The following ZNF521 variants were observed in gnomAD, a reference collection of about 807,000 sequenced individuals.
The protein encoded by ZNF521 is zinc finger protein 521, also known as LYST-interacting protein 3.
ZNF521 carries 14 observed loss-of-function variants against 105.5 expected under a neutral mutation model. The observed-to-expected ratio is 0.13, with a 90% confidence interval of 0.09 to 0.21. The LOEUF (loss-of-function observed/expected upper bound fraction) is 0.21, where lower values mean the gene tolerates loss of function less well. Ranked by LOEUF, ZNF521 falls within the 10% of genes least tolerant of loss-of-function variation. The pLI is 1.00. For synonymous variants in ZNF521, 635 were observed against 606.0 expected (o/e 1.05, Z -0.70); for missense variants, 1,233 against 1,629.7 (o/e 0.76, Z 4.19).
intron 5 of ZNF521, among the ~76,000 whole-genome samples, chr18:25,129,681 ATC>A (rs915119969): frequency 6.6e-6 from 1 of 152,042 alleles, no homozygotes; most frequent in African/African-American, 2.4e-5. Flanking sequence ...GGGGGGTATG[ATC>A]TGGACACTTC....
At chr18:25,210,712 T>C (rs1265264807) in intron 4 of ZNF521, among the ~76,000 whole-genome samples, 1 of 152,112 alleles carries the variant, frequency 6.6e-6, no homozygotes, top group Non-Finnish European at 1.5e-5. Context: ...ACAAAGAACC[T>C]ATGGCATACA....
At chr18:25,277,110 G>A (rs1910080550) in intron 3 of ZNF521, among the ~76,000 whole-genome samples, 1 of 151,200 alleles carries the variant, frequency 6.6e-6, no homozygotes, top group Non-Finnish European at 1.5e-5. Context: ...TTGAACCTGG[G>A]AGACAGAAGT....
At chr18:25,257,314 A>C (rs1908588839) in intron 3 of ZNF521, among the ~76,000 whole-genome samples, 1 of 152,190 alleles carries the variant, frequency 6.6e-6, no homozygotes. Context: ...ATGGGCTATT[A>C]AGTTTAATAT....
At chr18:25,245,767 C>T (rs2144820186) in intron 3 of ZNF521, among the ~76,000 whole-genome samples, 1 of 152,248 alleles carries the variant, frequency 6.6e-6, no homozygotes, top group East Asian at 1.9e-4. Context: ...AATCTCAGCA[C>T]TTTGGGAGGC....
In ZNF521 at chr18:25,108,946, T is replaced by A. The variant is rs1009416486; in HGVS notation, c.3659-16865A>T. 6.6e-5 allele frequency among the ~76,000 whole-genome samples: 10 copies of A among 152,174 alleles called. 1 individual carries two copies. The highest frequency in any genetic ancestry group is 6.6e-4 in the Admixed American group (10 of 15,266). On this transcript the variant is annotated intron_variant, in intron 5 of 7. Transcript: ENST00000361524. The stretch of plus-strand genomic sequence containing the variant: ...GGCTAGATTTTAAAAATTAATTTAT[T>A]TGATTTTAATTTAATTTTTAAATTT...
intron 5 of ZNF521, among the ~76,000 whole-genome samples, chr18:25,102,120 ACT>A (rs1600025356): frequency 6.6e-6 from 1 of 152,310 alleles, no homozygotes; most frequent in East Asian, 1.9e-4. Context: ...GCCTAAAACT[ACT>A]ATAAAGCAAT....
intron 5 of ZNF521, among the ~76,000 whole-genome samples, chr18:25,169,091 T>G (rs1204616072): frequency 6.6e-6 from 1 of 152,210 alleles, no homozygotes; most frequent in Non-Finnish European, 1.5e-5. Context: ...GAATATATAC[T>G]TTGCTTTCCT....
At chr18:25,116,386 A>G (rs1235197172) in intron 5 of ZNF521, among the ~76,000 whole-genome samples, 2 of 152,216 alleles carry the variant, frequency 1.3e-5, no homozygotes, top group Non-Finnish European at 2.9e-5. Flanking sequence ...ACTGAGGGCC[A>G]TTCTGGGAAT....
intron 2 of ZNF521, among the ~76,000 whole-genome samples, chr18:25,328,887 A>G (rs376825621): frequency 7.2e-5 from 11 of 152,346 alleles, no homozygotes; most frequent in African/African-American, 2.6e-4. Context: ...ATTTGGTAAA[A>G]GAAAGACACA....
At chr18:25,338,934 G>C (rs1273750137) in intron 2 of ZNF521, among the ~76,000 whole-genome samples, 2 of 152,164 alleles carry the variant, frequency 1.3e-5, no homozygotes, top group East Asian at 3.8e-4. Flanking sequence ...AGTTGATCAA[G>C]TATTTAGAGA....
At chr18:25,263,902 T>C (rs1470667474) in intron 3 of ZNF521, among the ~76,000 whole-genome samples, 1 of 152,180 alleles carries the variant, frequency 6.6e-6, no homozygotes, top group African/African-American at 2.4e-5. Flanking sequence ...TCTTAACCTA[T>C]ATGTAAGAAT....
intron 5 of ZNF521, among the ~76,000 whole-genome samples, chr18:25,100,048 G>C (rs985151943): frequency 6.6e-6 from 1 of 151,716 alleles, no homozygotes; most frequent in Non-Finnish European, 1.5e-5. Context: ...TTGCTGTGCT[G>C]AGTTTATGGC....
At position 25,215,395 on chromosome 18, in the gene ZNF521, C is replaced by T. The variant is rs777563026; in HGVS notation, c.3573+8950G>A. On this transcript the variant is annotated intron_variant, in intron 4 of 7. Transcript: ENST00000361524. ...CATCATGTGGTAGGTAGAGCAACAC[C>T]GTAATAAGAGATCCAGACATCCGGA... Among the ~76,000 whole-genome samples, 10 of 152,182 alleles carry T rather than the reference C, an allele frequency of 6.6e-5. No individual in the cohort carries two copies. In the South Asian group the frequency reaches 1.7e-3, roughly 25 times the overall value.
intron 3 of ZNF521, among the ~76,000 whole-genome samples, chr18:25,305,715 T>C (rs967523657): frequency 2.0e-5 from 3 of 152,224 alleles, no homozygotes; most frequent in Non-Finnish European, 1.5e-5. Flanking sequence ...AATTTTAAGA[T>C]GGAATGGCAA....
At chr18:25,190,206 G>A (rs1294871013) in intron 5 of ZNF521, among the ~76,000 whole-genome samples, 1 of 151,988 alleles carries the variant, frequency 6.6e-6, no homozygotes, top group Non-Finnish European at 1.5e-5. Context: ...AACACCAAAT[G>A]CTTGTTTCTT....
At chr18:25,182,568 T>C (rs528210330) in intron 5 of ZNF521, among the ~76,000 whole-genome samples, 39 of 152,338 alleles carry the variant, frequency 2.6e-4, no homozygotes, top group Middle Eastern at 6.8e-3. Context: ...TCATTCTTTA[T>C]TATAAAATTC....
At chr18:25,209,817 A>G (rs1368535935) in intron 4 of ZNF521, among the ~76,000 whole-genome samples, 3 of 152,126 alleles carry the variant, frequency 2.0e-5, no homozygotes, top group African/African-American at 4.8e-5. Flanking sequence ...TTTTATATGT[A>G]TTGCTACCTG....
chr18:25,220,628 G>A (rs897354723), intron 4 of ZNF521, among the ~76,000 whole-genome samples: 1 of 152,104 alleles, frequency 6.6e-6, no homozygotes, highest in Admixed American at 6.5e-5. Flanking sequence ...TTGATTCTGT[G>A]GCACCCTATG....
At chr18:25,339,016 T>C (rs996877075) in intron 2 of ZNF521, among the ~76,000 whole-genome samples, 3 of 152,210 alleles carry the variant, frequency 2.0e-5, no homozygotes, top group Non-Finnish European at 2.9e-5. Context: ...ACTCAATGAA[T>C]GTAGCTGTAG....
Sources: allele counts gnomAD v4.1 joint callset (sites outside exome capture counted in the v4.1 genomes callset), GRCh38; gene constraint gnomAD v4.1.1; transcripts MANE v1.5; gene names NCBI Gene and HGNC (gene_info 2026-07-23, HGNC 2026-07-21).